Variants in TRPC4 observed in about 807,000 individuals in gnomAD.
TRPC4 encodes short transient receptor potential channel 4.
A neutral mutation model predicts 99.4 loss-of-function variants in TRPC4; 49 were observed. That is an observed-to-expected ratio of 0.49 (90% CI 0.39 to 0.63). TRPC4 has a LOEUF of 0.63. Among genes scored for constraint, TRPC4 ranks in the 20% least tolerant of loss-of-function variants. The probability of loss-of-function intolerance (pLI) is 0.00; values close to 1 mark genes in which losing one functional copy is unlikely to be tolerated. For missense variants in TRPC4, 898 were observed against 1,152.9 expected, an observed-to-expected ratio of 0.78 and a Z score of 3.20; for synonymous variants, 454 against 425.9, an observed-to-expected ratio of 1.07 and a Z score of -0.81.
At chr13:37,865,008 G>T (rs1199597802) in intron 1 of TRPC4, among the ~76,000 whole-genome samples, 1 of 151,688 alleles carries the variant, frequency 6.6e-6, no homozygotes, top group Non-Finnish European at 1.5e-5. Context: ...AGATTTTAGT[G>T]ATAACTTTTG....
intron 8 of TRPC4, among the ~76,000 whole-genome samples, chr13:37,644,095 T>C (rs967464743): frequency 4.6e-5 from 7 of 152,230 alleles, no homozygotes; most frequent in African/African-American, 1.4e-4. Context: ...TCATAATATA[T>C]GTACTCTTTG....
chr13:37,649,761 C>CAAAA (rs1455824451), intron 8 of TRPC4, among the ~76,000 whole-genome samples: 1 of 57,058 alleles, frequency 1.8e-5, no homozygotes, highest in South Asian at 6.8e-4. Context: ...AAAAAAAAAA[C>CAAAA]AACAACAAAG....
chr13:37,745,457 T>TACGCATATATATATATATATATATGC lies in TRPC4; in HGVS notation c.897+479_897+480insGCATATATATATATATATATATGCGT, dbSNP rs1425593668. The stretch of plus-strand genomic sequence containing the variant: ...ATGCGTATATATATATATATATATA[T>TACGCATATATATATATATATATATGC]ATATATATATATATATACACACACA... On this transcript the variant is annotated intron_variant, in intron 3 of 10. Transcript: ENST00000379705. Among the ~76,000 whole-genome samples the TACGCATATATATATATATATATATGC allele has an allele frequency of 3.2e-3, 26 of 8,046 alleles. 1 individual carries two copies. In the East Asian group the frequency reaches 0.052, roughly 16 times the overall value. 5.3% of individuals were successfully genotyped at this position (8,046 alleles called of 152,430 possible). A position where few individuals can be genotyped will look rare whatever the true frequency, so the allele number is the denominator to read the frequency against.
intron 4 of TRPC4, among the ~76,000 whole-genome samples, chr13:37,688,255 A>T (rs1432781523): frequency 6.6e-6 from 1 of 152,220 alleles, no homozygotes; most frequent in Non-Finnish European, 1.5e-5. Context: ...GCGATTATGA[A>T]CTGCTTTCTA....
At chr13:37,844,921 C>T (rs909432349) in intron 1 of TRPC4, among the ~76,000 whole-genome samples, 2 of 152,088 alleles carry the variant, frequency 1.3e-5, no homozygotes, top group African/African-American at 4.8e-5. Flanking sequence ...TGGCCCTTCC[C>T]AACTGCAGAT....
chr13:37,711,102 T>A (rs1320427665), intron 3 of TRPC4, among the ~76,000 whole-genome samples: 2 of 151,994 alleles, frequency 1.3e-5, no homozygotes, highest in African/African-American at 4.8e-5. Context: ...TGTGTTTAGA[T>A]AAAATAGTAC....
At chr13:37,807,364 TA>T (rs1957552328) in intron 1 of TRPC4, among the ~76,000 whole-genome samples, 1 of 152,026 alleles carries the variant, frequency 6.6e-6, no homozygotes, top group African/African-American at 2.4e-5. Flanking sequence ...AAAATATGGA[TA>T]TTTACAAGTG....
At chr13:37,649,731 C>CAAAAAAAAAAAAAAAAAAAAAA (rs775364702) in intron 8 of TRPC4, among the ~76,000 whole-genome samples, 1 of 62,698 alleles carries the variant, frequency 1.6e-5, no homozygotes, top group Non-Finnish European at 2.7e-5. Flanking sequence ...GACTCCGTCT[C>CAAAAAAAAAAAAAAAAAAAAAA]AAAAAAAAAA....
At chr13:37,829,702 T>C (rs761158242) in intron 1 of TRPC4, among the ~76,000 whole-genome samples, 53 of 152,300 alleles carry the variant, frequency 3.5e-4, no homozygotes, top group Middle Eastern at 3.4e-3. Flanking sequence ...TGAATGTTTA[T>C]AGTAGCACTG....
At chr13:37,717,545 A>G (rs1954719976) in intron 3 of TRPC4, among the ~76,000 whole-genome samples, 1 of 152,156 alleles carries the variant, frequency 6.6e-6, no homozygotes, top group Non-Finnish European at 1.5e-5. Flanking sequence ...TTGAAGTCCT[A>G]ACCCCAGAAC....
In TRPC4 at chr13:37,734,989, A is replaced by G. The variant is rs551154866; in HGVS notation, c.897+10948T>C. ...GAATAGGGTGTGAAACAAAAACCACAGAGCTATGTGATCGCTTTCCCTGTT... is the reference window on the plus strand; with the variant it reads ...GAATAGGGTGTGAAACAAAAACCACGGAGCTATGTGATCGCTTTCCCTGTT... On this transcript the variant is annotated intron_variant, in intron 3 of 10. Coordinates refer to ENST00000379705, the MANE Select transcript of TRPC4 (RefSeq NM_016179.4). Among the ~76,000 whole-genome samples the G allele has an allele frequency of 1.1e-4, 16 of 152,274 alleles. No individual in the cohort carries two copies. In the South Asian group the frequency reaches 3.3e-3, roughly 32 times the overall value.
chr13:37,725,521 G>A (rs1453707375), intron 3 of TRPC4, among the ~76,000 whole-genome samples: 1 of 152,004 alleles, frequency 6.6e-6, no homozygotes, highest in East Asian at 1.9e-4. Context: ...AAGGAATCCT[G>A]AATAAGATTA....
chr13:37,808,672 G>A (rs625221), intron 1 of TRPC4, among the ~76,000 whole-genome samples: 45,432 of 151,814 alleles, frequency 0.3, 6,950 homozygotes, highest in East Asian at 0.43. Context: ...TGTGCTCCAA[G>A]TAAGGGAAAT....
chr13:37,671,168 T>A (rs187877576), intron 5 of TRPC4, among the ~76,000 whole-genome samples: 98 of 152,324 alleles, frequency 6.4e-4, no homozygotes, highest in Non-Finnish European at 1.1e-3. Context: ...TTGATTCACA[T>A]AATAGCTGTT....
intron 3 of TRPC4, among the ~76,000 whole-genome samples, chr13:37,736,930 A>G (rs1418658351): frequency 1.4e-5 from 2 of 139,082 alleles, no homozygotes; most frequent in African/African-American, 5.3e-5. Flanking sequence ...ACAAGGTTGC[A>G]CCGTGTTGCC....
intron 2 of TRPC4, among the ~76,000 whole-genome samples, chr13:37,779,290 T>G (rs1462840829): frequency 6.6e-6 from 1 of 151,964 alleles, no homozygotes; most frequent in African/African-American, 2.4e-5. Context: ...AAATAAGGTA[T>G]CAAGAAGGTT....
Position 37,745,024 on chromosome 13 carries a change from G to A in TRPC4, c.897+913C>T, listed in dbSNP as rs867253877. ...AAAAAATGAGCAAGATATGAGAAAA[G>A]TTTTAGTACTTACATCTGCTATTGT... On this transcript the variant is annotated intron_variant, in intron 3 of 10. Transcript: ENST00000379705. Among the ~76,000 whole-genome samples the A allele has an allele frequency of 5.3e-5, 8 of 152,046 alleles. No individual in the cohort carries two copies. In the South Asian group the frequency reaches 1.0e-3, roughly 20 times the overall value.
At chr13:37,724,260 G>A (rs778847524) in intron 3 of TRPC4, among the ~76,000 whole-genome samples, 1 of 152,106 alleles carries the variant, frequency 6.6e-6, no homozygotes, top group African/African-American at 2.4e-5. Flanking sequence ...GAATGTGTAG[G>A]CCCATAAGTG....
At chr13:37,746,569 T>G (rs1185164583) in intron 2 of TRPC4, 114 bp from the exon 3 acceptor site, 50 of 1,088,764 alleles carry the variant, frequency 4.6e-5, no homozygotes, top group Non-Finnish European at 5.4e-5. Flanking sequence ...TTGGCCGGGT[T>G]TTTTTTTTTT....
Sources: allele counts gnomAD v4.1 joint callset (sites outside exome capture counted in the v4.1 genomes callset), GRCh38; gene constraint gnomAD v4.1.1; transcripts MANE v1.5; gene names NCBI Gene and HGNC (gene_info 2026-07-23, HGNC 2026-07-21).